SLC44A5: variants seen among roughly 807,000 people sequenced by gnomAD.
The protein encoded by SLC44A5 is solute carrier family 44 member 5.
A neutral mutation model predicts 101.8 loss-of-function variants in SLC44A5; 57 were observed. That is an observed-to-expected ratio of 0.56 (90% CI 0.45 to 0.70). The LOEUF is 0.70. Ranked by LOEUF, SLC44A5 falls within the 30% of genes least tolerant of loss-of-function variation. The probability of loss-of-function intolerance (pLI) is 0.00; values close to 1 mark genes in which losing one functional copy is unlikely to be tolerated. For missense variants in SLC44A5, 737 were observed against 853.1 expected (o/e 0.86, Z 1.70); for synonymous variants, 281 against 290.9 (o/e 0.97, Z 0.35).
intron 3 of SLC44A5, among the ~76,000 whole-genome samples, chr1:75,348,022 G>T (rs765266230): frequency 6.6e-6 from 1 of 152,028 alleles, no homozygotes; most frequent in Non-Finnish European, 1.5e-5. Flanking sequence ...TAAGAAAATG[G>T]ATTTGCCTCA....
rs1462682238 is a variant in SLC44A5 at position 75,300,597 on chromosome 1, C to G, written c.175+15G>C. On this transcript the variant is annotated intron_variant, in intron 5 of 23. Transcript: ENST00000370859. ...TAGCAAGTGTTAAATATTTTCTATA[C>G]CTGTATTTACTCACCCACAAGTCCT... The G allele has an allele frequency of 6.5e-7, 1 of 1,547,474 alleles. No homozygotes were observed. The highest frequency in any genetic ancestry group is 8.8e-7 in the Non-Finnish European group (1 of 1,131,544).
the SLC44A5 span, among the ~76,000 whole-genome samples, chr1:75,662,676 ATGTAATACCCATCCAGGGT>A: frequency 3.5e-5 from 3 of 86,452 alleles, no homozygotes; most frequent in Non-Finnish European, 7.2e-5. Flanking sequence ...AGATATATGT[ATGTAATACCCATCCAGGGT>A]TTTTGCCTTT....
At chr1:75,464,536 AG>A (rs1336518588) in intron 2 of SLC44A5, among the ~76,000 whole-genome samples, 2 of 152,152 alleles carry the variant, frequency 1.3e-5, no homozygotes, top group African/African-American at 4.8e-5. Flanking sequence ...ACAAAATGAC[AG>A]AAGTCCTTAT....
chr1:75,463,419 CAAA>C (rs34371845), intron 2 of SLC44A5, among the ~76,000 whole-genome samples: 2 of 70,014 alleles, frequency 2.9e-5, no homozygotes, highest in Non-Finnish European at 4.9e-5. Flanking sequence ...GACTCTGTCT[CAAA>C]AAAAAAAAAA....
chr1:75,621,571 A>C, the SLC44A5 span, among the ~76,000 whole-genome samples: 1 of 152,140 alleles, frequency 6.6e-6, no homozygotes, highest in Non-Finnish European at 1.5e-5. Context: ...TTTTGACTGA[A>C]ATATTTTACA....
rs530543932 is a variant in SLC44A5, at chr1:75,591,262, C to A, written c.-70+19778G>T. Among the ~76,000 whole-genome samples, 7 of 152,220 alleles carry A rather than the reference C, an allele frequency of 4.6e-5. No homozygotes were observed. The East Asian group carries it at 1.4e-3, about 29-fold the overall frequency. On this transcript the variant is annotated intron_variant, in intron 1 of 23. Transcript: ENST00000370859. ...GAGAAAGTGAGAGAAATCACCTTCA[C>A]TAAAAGGAAGACAAGAAGGAAGAAA...
intron 4 of SLC44A5, among the ~76,000 whole-genome samples, chr1:75,321,875 T>C (rs1368184308): frequency 6.6e-6 from 1 of 152,226 alleles, no homozygotes; most frequent in Non-Finnish European, 1.5e-5. Context: ...TCAGAGTATG[T>C]CAGTTTCAAT....
At chr1:75,211,319 T>A in intron 23 of SLC44A5, 149 bp downstream of exon 23, 1 of 563,848 alleles carries the variant, frequency 1.8e-6, no homozygotes, top group Non-Finnish European at 3.2e-6. Context: ...AAATAACATC[T>A]ACTAAGCAAT....
intron 1 of SLC44A5, among the ~76,000 whole-genome samples, chr1:75,596,791 A>T (rs916950331): frequency 6.6e-6 from 1 of 152,144 alleles, no homozygotes; most frequent in African/African-American, 2.4e-5. Flanking sequence ...GTAGTGAAGG[A>T]CCCTACCTCA....
At chr1:75,425,018 T>C (rs1292569657) in intron 2 of SLC44A5, among the ~76,000 whole-genome samples, 2 of 152,218 alleles carry the variant, frequency 1.3e-5, no homozygotes, top group Non-Finnish European at 2.9e-5. Context: ...ACTGCTCCAT[T>C]AGGTTCATTT....
intron 1 of SLC44A5, among the ~76,000 whole-genome samples, chr1:75,603,055 G>T (rs890302499): frequency 6.6e-6 from 1 of 151,984 alleles, no homozygotes; most frequent in Non-Finnish European, 1.5e-5. Flanking sequence ...TAATGATAAG[G>T]TTTGGAGTAC....
chr1:75,631,233 G>A, the SLC44A5 span, among the ~76,000 whole-genome samples: 1 of 152,178 alleles, frequency 6.6e-6, no homozygotes, highest in African/African-American at 2.4e-5. Flanking sequence ...AGTTCAACAT[G>A]AATGGTCTGG....
chr1:75,361,041 A>T (rs529885732), intron 3 of SLC44A5, among the ~76,000 whole-genome samples: 1 of 152,032 alleles, frequency 6.6e-6, no homozygotes, highest in Admixed American at 6.6e-5. Context: ...TTAAATTTAC[A>T]CCTAAGTATC....
At chr1:75,562,478 G>A (rs1035291331) in intron 1 of SLC44A5, among the ~76,000 whole-genome samples, 2 of 152,002 alleles carry the variant, frequency 1.3e-5, no homozygotes, top group Non-Finnish European at 2.9e-5. Context: ...TAGGCAGATC[G>A]TTTGAGCCCA....
rs375127719 is a variant in SLC44A5 at position 75,397,696 on chromosome 1, G to T, written c.14-1075C>A. Reference sequence around the variant, plus strand: ...AAATGAGAATCCAAGGTTCCCAGAGGCAACGTGAACTTTTGGGTCTAATCT... The same window carrying T: ...AAATGAGAATCCAAGGTTCCCAGAGTCAACGTGAACTTTTGGGTCTAATCT... On this transcript the variant is annotated intron_variant, in intron 2 of 23. Transcript: ENST00000370859. Among the ~76,000 whole-genome samples, 59 of 152,192 alleles carry T rather than the reference G, an allele frequency of 3.9e-4. 1 individual carries two copies. In the East Asian group the frequency reaches 7.9e-3, roughly 20 times the overall value.
the SLC44A5 span, among the ~76,000 whole-genome samples, chr1:75,645,366 T>C: frequency 3.2e-4 from 48 of 152,332 alleles, no homozygotes; most frequent in African/African-American, 1.1e-3. Flanking sequence ...TTTGCATTTC[T>C]CTGATGGCCA....
intron 2 of SLC44A5, among the ~76,000 whole-genome samples, chr1:75,441,941 C>T (rs12401896): frequency 0.093 from 14,200 of 151,974 alleles, 843 homozygotes; most frequent in Admixed American, 0.19. Context: ...GATGTGTGTC[C>T]ATATATTCCT....
intron 2 of SLC44A5, among the ~76,000 whole-genome samples, chr1:75,489,869 G>C (rs531419760): frequency 1.3e-5 from 2 of 151,910 alleles, no homozygotes; most frequent in Non-Finnish European, 2.9e-5. Flanking sequence ...ACTAAATTAG[G>C]AATATTAATC....
chr1:75,316,110 C>G (rs1175384315), intron 4 of SLC44A5, among the ~76,000 whole-genome samples: 1 of 152,180 alleles, frequency 6.6e-6, no homozygotes, highest in East Asian at 1.9e-4. Context: ...TTGAGACTTT[C>G]AATTGCTTAC....
Sources: gnomAD v4.1 joint callset for allele counts (sites outside exome capture counted in the v4.1 genomes callset) on GRCh38, gnomAD v4.1.1 for gene constraint, MANE v1.5 for transcripts, NCBI Gene and HGNC (gene_info 2026-07-23, HGNC 2026-07-21) for gene names.